The following LRRFIP1 variants were observed in gnomAD, a reference collection of about 807,000 sequenced individuals.
LRRFIP1 encodes leucine-rich repeat flightless-interacting protein 1.
In LRRFIP1, 62 loss-of-function variants were observed where a neutral mutation model predicts 104.4. The observed-to-expected ratio is 0.59, with a 90% CI of 0.48 to 0.73. The LOEUF is 0.73. Ranked by LOEUF, LRRFIP1 falls within the 30% of genes least tolerant of loss-of-function variation. LRRFIP1 has a pLI of 0.00. For missense variants in LRRFIP1, 796 were observed against 824.5 expected (o/e 0.97, Z 0.42); for synonymous variants, 300 against 299.0 (o/e 1.00, Z -0.03).
intron 23 of LRRFIP1, among the ~76,000 whole-genome samples, chr2:237,775,389 G>A (rs1199545429): frequency 1.3e-5 from 2 of 152,346 alleles, no homozygotes; most frequent in Non-Finnish European, 2.9e-5. Context: ...AGCAGGGGGT[G>A]AGGGGGTGGA....
rs751370071 is a variant in LRRFIP1 at position 237,763,684 on chromosome 2, C to T, written c.1459+3479C>T. On this transcript the variant is annotated intron_variant, in intron 19 of 23. Transcript: ENST00000308482. ...AAATTAAGTTGGATGGAAAACTTGA[C>T]CAAGAAGGTGATGATGTACAAACAG... 21 of 1,613,950 alleles carry T rather than the reference C, an allele frequency of 1.3e-5. No individual in the cohort carries two copies. The South Asian group carries it at 2.2e-4, about 17-fold the overall frequency.
rs755426614 is a variant in LRRFIP1 at position 237,779,572 on chromosome 2, G to C, written c.*40G>C. 1 of 1,528,756 alleles carries C rather than the reference G, an allele frequency of 6.5e-7. No individual in the cohort carries two copies. Among genetic ancestry groups the C allele is most frequent in the Non-Finnish European group, 9.1e-7 (1 of 1,104,588 alleles). The allele number at this position is 1,528,756 out of a possible 1,614,324, so 94.7% of individuals were successfully genotyped here. A position where few individuals can be genotyped will look rare whatever the true frequency, so the allele number is the denominator to read the frequency against. On this transcript the variant is annotated 3_prime_UTR_variant, in exon 24 of 24. Coordinates refer to ENST00000308482, the MANE Select transcript of LRRFIP1 (RefSeq NM_001137550.2). ...CAGGCAACTGGTTGGTGACTGGAGA[G>C]CATTGTTTCATAGGCTTTTCTCTGT...
intron 1 of LRRFIP1, chr2:237,692,245 C>G: frequency 4.4e-6 from 5 of 1,128,362 alleles, no homozygotes; most frequent in Non-Finnish European, 5.4e-6. Context: ...CGGCCACCTG[C>G]GCCCCGCCCC....
intron 12 of LRRFIP1, among the ~76,000 whole-genome samples, chr2:237,748,673 G>T (rs1160343927): frequency 6.6e-6 from 1 of 152,096 alleles, no homozygotes; most frequent in Non-Finnish European, 1.5e-5. Context: ...TCCAGGAGGT[G>T]CCTGGAAATG....
intron 1 of LRRFIP1, chr2:237,692,078 GGTGGGGCGAGTC>G (rs1379555863): frequency 1.8e-6 from 1 of 560,674 alleles, no homozygotes; most frequent in Non-Finnish European, 2.2e-6. Context: ...GGGCGGGGGC[GGTGGGGCGAGTC>G]ATGGGGCGGG....
intron 8 of LRRFIP1, 23 bp from the exon 9 acceptor site, chr2:237,733,751 T>G (rs753835858): frequency 6.2e-7 from 1 of 1,613,738 alleles, no homozygotes; most frequent in Non-Finnish European, 8.5e-7. Flanking sequence ...TTTTAAAACC[T>G]GCCATTTGCT....
intron 4 of LRRFIP1, among the ~76,000 whole-genome samples, chr2:237,719,219 T>C (rs1245059460): frequency 6.6e-6 from 1 of 152,224 alleles, no homozygotes; most frequent in African/African-American, 2.4e-5. Context: ...TAGATTGATT[T>C]AAATGGATCA....
At chr2:237,736,323 C>G (rs1315521444) in intron 10 of LRRFIP1, among the ~76,000 whole-genome samples, 1 of 152,172 alleles carries the variant, frequency 6.6e-6, no homozygotes, top group African/African-American at 2.4e-5. Flanking sequence ...TTTTGCAGCC[C>G]ACTATATAAC....
intron 11 of LRRFIP1, among the ~76,000 whole-genome samples, chr2:237,746,973 C>T (rs1358978461): frequency 6.6e-6 from 1 of 152,218 alleles, no homozygotes; most frequent in East Asian, 1.9e-4. Context: ...GGCCTCTCTG[C>T]CCCCATTTCC....
In LRRFIP1 at chr2:237,723,589, G is replaced by A; in HGVS notation, c.384+3G>A. ...AGTATGGGGGTCCTTACGCCTGGGTGAGATGGTCGGATATACTTTGCTGTG... is the reference window on the plus strand; with the variant it reads ...AGTATGGGGGTCCTTACGCCTGGGTAAGATGGTCGGATATACTTTGCTGTG... On this transcript the variant is annotated splice_donor_region_variant and intron_variant, in intron 7 of 23. Coordinates refer to ENST00000308482, the MANE Select transcript of LRRFIP1 (RefSeq NM_001137550.2). The A allele has an allele frequency of 1.2e-6, 2 of 1,613,912 alleles. No individual in the cohort carries two copies. Among genetic ancestry groups the A allele is most frequent in the Non-Finnish European group, 8.5e-7 (1 of 1,179,848 alleles).
At position 237,692,642 on chromosome 2, in the gene LRRFIP1, CG is replaced by C. The variant is rs2092891314; in HGVS notation, c.97-15899del. The C allele has an allele frequency of 6.3e-6, 8 of 1,273,408 alleles. No homozygotes were observed. In the South Asian group the frequency reaches 1.4e-4, roughly 22 times the overall value. The allele number at this position is 1,273,408 out of a possible 1,614,324, so 78.9% of individuals were successfully genotyped here. On this transcript the variant is annotated intron_variant, in intron 1 of 23. Coordinates refer to ENST00000308482, the MANE Select transcript of LRRFIP1 (RefSeq NM_001137550.2). ...CCGGGAGGCGTGGGGTGGGCTCTGG[CG>C]GGACCCCAGCGCGGTGGGAGCGGGC...
intron 9 of LRRFIP1, among the ~76,000 whole-genome samples, chr2:237,734,192 C>G (rs975139599): frequency 2.0e-5 from 3 of 151,576 alleles, no homozygotes; most frequent in African/African-American, 7.3e-5. Flanking sequence ...TTGGAAATTT[C>G]CAGTTTTAAA....
Position 237,772,920 on chromosome 2 carries a change from A to G in LRRFIP1, c.1682A>G (p.Gln561Arg), listed in dbSNP as rs769586265. The part of the protein sequence containing the change: ...DLKFKLAKSE[Q>R]EITALEQNVI... ...AAATTTAAACTTGCAAAATCTGAGC[A>G]AGAGATAACTGCATTAGAACAAAAT... Residue 561 changes from glutamine to arginine, a missense_variant, in exon 22 of 24, where the codon CAA becomes CGA. Gln to Arg is a conservative substitution (Grantham distance 43). Transcript: ENST00000308482. The G allele has an allele frequency of 4.3e-6, 7 of 1,613,724 alleles. No homozygotes were observed.
intron 3 of LRRFIP1, among the ~76,000 whole-genome samples, chr2:237,715,143 T>C (rs1371738243): frequency 1.3e-5 from 2 of 152,208 alleles, no homozygotes; most frequent in African/African-American, 4.8e-5. Context: ...CCTGTTGTGT[T>C]GGATTCCTGT....
At chr2:237,628,075 G>C (rs2081847843) in intron 1 of LRRFIP1, among the ~76,000 whole-genome samples, 1 of 152,092 alleles carries the variant, frequency 6.6e-6, no homozygotes, top group Non-Finnish European at 1.5e-5. Flanking sequence ...GCCCGGGCTG[G>C]CCGGGTGGGG....
intron 1 of LRRFIP1, among the ~76,000 whole-genome samples, chr2:237,704,396 C>G (rs569944237): frequency 6.6e-6 from 1 of 152,084 alleles, no homozygotes; most frequent in Non-Finnish European, 1.5e-5. Context: ...TCAGGTGATC[C>G]GCCCACCTCA....
intron 1 of LRRFIP1, among the ~76,000 whole-genome samples, chr2:237,634,136 A>G (rs2082767700): frequency 6.6e-6 from 1 of 152,188 alleles, no homozygotes; most frequent in Admixed American, 6.5e-5. Flanking sequence ...AAAACTTTCC[A>G]AGGGTGTCTT....
intron 19 of LRRFIP1, 55 bp from the exon 20 acceptor site, chr2:237,769,888 C>T (rs1576412397): frequency 5.3e-6 from 7 of 1,324,872 alleles, no homozygotes; most frequent in Non-Finnish European, 6.4e-6. Context: ...TAGCAATGTG[C>T]TGAAAGGCGC....
At chr2:237,682,046 C>A (rs954562336) in intron 1 of LRRFIP1, among the ~76,000 whole-genome samples, 16 of 152,162 alleles carry the variant, frequency 1.1e-4, no homozygotes, top group Non-Finnish European at 4.4e-5. Flanking sequence ...AGACGGACAG[C>A]TGCCTGAAAG....
Sources: gnomAD v4.1 joint callset for allele counts (sites outside exome capture counted in the v4.1 genomes callset) on GRCh38, gnomAD v4.1.1 for gene constraint, MANE v1.5 for transcripts, NCBI Gene and HGNC (gene_info 2026-07-23, HGNC 2026-07-21) for gene names.